KCTD1: variants seen among roughly 807,000 people sequenced by gnomAD.
KCTD1 encodes the protein BTB/POZ domain-containing protein KCTD1.
KCTD1 carries 24 observed loss-of-function variants against 66.0 expected under a neutral mutation model. The observed-to-expected ratio is 0.36, with a 90% CI of 0.26 to 0.51. The LOEUF is 0.51. Ranked by LOEUF, KCTD1 falls within the 20% of genes least tolerant of loss-of-function variation. The pLI, the probability that KCTD1 is intolerant of heterozygous loss-of-function variation, is 0.95. For missense variants in KCTD1, 943 were observed against 1,205.2 expected, an observed-to-expected ratio of 0.78 and a Z score of 3.22; for synonymous variants, 511 against 517.2, an observed-to-expected ratio of 0.99 and a Z score of 0.16.
At chr18:26,588,543 G>C (rs541032074) in intron 1 of KCTD1, among the ~76,000 whole-genome samples, 1 of 152,298 alleles carries the variant, frequency 6.6e-6, no homozygotes, top group East Asian at 1.9e-4. Context: ...GTAATGAAGA[G>C]TTGGGCACAG....
Position 26,548,405 on chromosome 18 carries a change from G to C in KCTD1, c.132C>G (p.Arg44=). Residue 44 remains arginine (R), a synonymous_variant, in exon 1 of 5, where the codon CGC becomes CGG. Coordinates refer to ENST00000580059, the MANE Select transcript of KCTD1 (RefSeq NM_001142730.3). ...GERGAGGRGR[R]HSRPHYCSAG... ...CGCTGCAGTAGTGCGGACGGCTGTG[G>C]CGGCGGCCGCGGCCCCCCGCGCCGC... The C allele has an allele frequency of 7.0e-7, 1 of 1,432,402 alleles. No homozygotes were observed. The allele number at this position is 1,432,402 out of a possible 1,614,324, so 88.7% of individuals were successfully genotyped here.
intron 1 of KCTD1, among the ~76,000 whole-genome samples, chr18:26,535,379 C>T (rs189760195): frequency 1.3e-5 from 2 of 152,280 alleles, no homozygotes; most frequent in Admixed American, 1.3e-4. Context: ...AAACAGAGGA[C>T]TGGTCCCAGC....
chr18:26,644,262 G>A (rs1987890829), upstream of KCTD1, among the ~76,000 whole-genome samples: 1 of 152,122 alleles, frequency 6.6e-6, no homozygotes, highest in Admixed American at 6.5e-5. Flanking sequence ...ATCCACCAGT[G>A]CCACTCAGGG....
Position 26,601,326 on chromosome 18 carries a change from T to TTAAAAAAAAAAAA in KCTD1, c.-16+27820_-16+27821insTTTTTTTTTTTTA, listed in dbSNP as rs1555646203. On this transcript the variant is annotated intron_variant, in intron 1 of 4. Transcript: ENST00000317932. ...GCCAGTAAATAAAAGTGTTCATTGG[T>TTAAAAAAAAAAAA]AAAAAAAAAAAAAAAAAAAAAAAGA... 6.4e-5 allele frequency among the ~76,000 whole-genome samples: 6 copies of TTAAAAAAAAAAAA among 93,252 alleles called. 1 individual carries two copies. Among genetic ancestry groups the TTAAAAAAAAAAAA allele is most frequent in the Admixed American group, 1.2e-4 (1 of 8,012 alleles). The allele number at this position is 93,252 out of a possible 152,430, so 61.2% of individuals were successfully genotyped here.
At chr18:26,458,956 C>T (rs79671185) in intron 4 of KCTD1, 21,125 of 152,202 alleles carry the variant, frequency 0.14, 1,665 homozygotes, top group Non-Finnish European at 0.16. Flanking sequence ...AATGGATTTC[C>T]ATTTGGCTCA....
chr18:26,560,013 G>A (rs1222462954), intron 1 of KCTD1, among the ~76,000 whole-genome samples: 1 of 151,964 alleles, frequency 6.6e-6, no homozygotes, highest in Non-Finnish European at 1.5e-5. Flanking sequence ...TTCTCTTTGG[G>A]AGGCTTTACA....
chr18:26,578,676 CT>C (rs1986285382), intron 1 of KCTD1, among the ~76,000 whole-genome samples: 1 of 152,182 alleles, frequency 6.6e-6, no homozygotes. Context: ...CCCTAGGTGA[CT>C]GTATGAAGGA....
intron 1 of KCTD1, chr18:26,575,152 C>T (rs1986195740): frequency 6.6e-6 from 1 of 152,002 alleles, no homozygotes; most frequent in African/African-American, 2.4e-5. Context: ...TTTGAACACC[C>T]GAATCTCAGC....
intron 3 of KCTD1, among the ~76,000 whole-genome samples, chr18:26,463,233 A>C (rs534754891): frequency 4.6e-5 from 7 of 152,238 alleles, no homozygotes; most frequent in African/African-American, 1.7e-4. Context: ...AGGCAGGAGG[A>C]TTACTTGAGG....
intron 2 of KCTD1, among the ~76,000 whole-genome samples, chr18:26,477,748 T>G (rs1456099504): frequency 6.6e-6 from 1 of 152,238 alleles, no homozygotes; most frequent in Non-Finnish European, 1.5e-5. Flanking sequence ...TGTGAATTTT[T>G]GTTTCAATAG....
chr18:26,627,304 C>G (rs1004581813), intron 1 of KCTD1, among the ~76,000 whole-genome samples: 1 of 131,652 alleles, frequency 7.6e-6, no homozygotes, highest in Non-Finnish European at 1.6e-5. Flanking sequence ...GTGTGTGTGC[C>G]TATAACAAAA....
At chr18:26,564,479 CAT>C (rs1277314984) in intron 1 of KCTD1, among the ~76,000 whole-genome samples, 6 of 152,176 alleles carry the variant, frequency 3.9e-5, no homozygotes, top group African/African-American at 1.4e-4. Flanking sequence ...CCAGCTCACA[CAT>C]GTCTTTGAGG....
At chr18:26,500,949 C>T in intron 2 of KCTD1, 123 bp downstream of exon 2, 1 of 1,058,060 alleles carries the variant, frequency 9.5e-7, no homozygotes, top group East Asian at 2.4e-5. Context: ...CAGGGTGGCT[C>T]ACACAGCACT....
intron 1 of KCTD1, chr18:26,545,091 G>A (rs986985643): frequency 1.6e-4 from 24 of 152,042 alleles, no homozygotes; most frequent in Non-Finnish European, 3.2e-4. Context: ...GGTTCTTTAC[G>A]TCACAATTCT....
At chr18:26,633,075 G>A (rs1428451044), upstream of KCTD1, among the ~76,000 whole-genome samples, 2 of 152,104 alleles carry the variant, frequency 1.3e-5, no homozygotes, top group South Asian at 4.1e-4. Flanking sequence ...TACGCAACAT[G>A]AGAGGATATT....
upstream of KCTD1, among the ~76,000 whole-genome samples, chr18:26,633,717 G>C (rs1015689917): frequency 2.0e-5 from 3 of 152,188 alleles, no homozygotes; most frequent in African/African-American, 7.2e-5. Context: ...ATTTATAGAA[G>C]CACAAAAGCA....
intron 1 of KCTD1, among the ~76,000 whole-genome samples, chr18:26,523,016 AT>A (rs1332455012): frequency 6.6e-6 from 1 of 152,196 alleles, no homozygotes; most frequent in African/African-American, 2.4e-5. Flanking sequence ...GAGTTTGTGA[AT>A]TAGAGTTAAA....
chr18:26,538,944 A>G (rs902790323), intron 1 of KCTD1, among the ~76,000 whole-genome samples: 14 of 152,194 alleles, frequency 9.2e-5, no homozygotes, highest in Non-Finnish European at 1.9e-4. Context: ...CCTGCCACAC[A>G]CCGGAAACAT....
At chr18:26,571,968 A>AGG (rs1986117710) in intron 1 of KCTD1, among the ~76,000 whole-genome samples, 1 of 152,162 alleles carries the variant, frequency 6.6e-6, no homozygotes. Context: ...AATGTGAGAT[A>AGG]GTACATGATA....
Sources: allele counts gnomAD v4.1 joint callset (sites outside exome capture counted in the v4.1 genomes callset), GRCh38; gene constraint gnomAD v4.1.1; transcripts MANE v1.5; gene names NCBI Gene and HGNC (gene_info 2026-07-23, HGNC 2026-07-21).